The following RPS6KC1 variants were observed in gnomAD, a reference collection of about 807,000 sequenced individuals.
The protein encoded by RPS6KC1 is inactive ribosomal protein S6 kinase delta-1.
A neutral mutation model predicts 103.8 loss-of-function variants in RPS6KC1; 54 were observed. The observed-to-expected ratio is 0.52, with a 90% CI of 0.42 to 0.65. The LOEUF (loss-of-function observed/expected upper bound fraction) is 0.65. Among genes scored for constraint, RPS6KC1 ranks in the 30% least tolerant of loss-of-function variants. The probability of loss-of-function intolerance (pLI) is 0.00; values close to 1 mark genes in which losing one functional copy is unlikely to be tolerated. For missense variants in RPS6KC1, 1,151 were observed against 1,253.8 expected (o/e 0.92, Z 1.24); for synonymous variants, 439 against 438.7 (o/e 1.00, Z -0.01).
the RPS6KC1 span, among the ~76,000 whole-genome samples, chr1:213,616,973 C>A: frequency 6.6e-6 from 1 of 152,152 alleles, no homozygotes; most frequent in South Asian, 2.1e-4. Flanking sequence ...CCTCTGTGGA[C>A]CTCAGTGTCC....
intron 3 of RPS6KC1, among the ~76,000 whole-genome samples, chr1:213,097,182 C>T (rs879732851): frequency 2.6e-5 from 4 of 152,062 alleles, no homozygotes; most frequent in African/African-American, 4.8e-5. Context: ...GGTGAAACCC[C>T]GTCTCTACTA....
At chr1:213,294,823 C>A in the RPS6KC1 span, among the ~76,000 whole-genome samples, 3 of 152,156 alleles carry the variant, frequency 2.0e-5, no homozygotes, top group African/African-American at 4.8e-5. Context: ...AAATAAGATT[C>A]TTCTTTTTTC....
At chr1:213,430,221 A>G in the RPS6KC1 span, among the ~76,000 whole-genome samples, 1 of 152,204 alleles carries the variant, frequency 6.6e-6, no homozygotes. Flanking sequence ...TCTCGAGTCT[A>G]TCATGATTCT....
chr1:213,269,299 T>C (rs1287395051), intron 14 of RPS6KC1, among the ~76,000 whole-genome samples: 10 of 152,182 alleles, frequency 6.6e-5, no homozygotes, highest in Admixed American at 6.5e-4. Flanking sequence ...CCTCAAAATA[T>C]AGGAAACAAA....
chr1:213,834,883 C>T, the RPS6KC1 span, among the ~76,000 whole-genome samples: 1 of 152,108 alleles, frequency 6.6e-6, no homozygotes, highest in Non-Finnish European at 1.5e-5. Flanking sequence ...TTAGTGCTTA[C>T]GTAGGGCTGG....
At chr1:213,072,335 C>T (rs2078963008) in intron 2 of RPS6KC1, among the ~76,000 whole-genome samples, 1 of 152,088 alleles carries the variant, frequency 6.6e-6, no homozygotes, top group Non-Finnish European at 1.5e-5. Context: ...TCATTTCTGG[C>T]TATGTCTGAT....
intron 6 of RPS6KC1, among the ~76,000 whole-genome samples, chr1:213,137,286 A>G (rs893668894): frequency 6.7e-6 from 1 of 149,656 alleles, no homozygotes; most frequent in Non-Finnish European, 1.5e-5. Context: ...TATTTTCTTC[A>G]CTTTCGAGCC....
chr1:213,754,598 A>C, the RPS6KC1 span, among the ~76,000 whole-genome samples: 1 of 152,194 alleles, frequency 6.6e-6, no homozygotes, highest in South Asian at 2.1e-4. Flanking sequence ...CTGCCACGTA[A>C]GAAGGCTATT....
At chr1:213,213,318 T>G (rs2093566526) in intron 8 of RPS6KC1, among the ~76,000 whole-genome samples, 1 of 152,252 alleles carries the variant, frequency 6.6e-6, no homozygotes, top group Admixed American at 6.5e-5. Flanking sequence ...AAGGGCTCTT[T>G]GCTCCATTGT....
At chr1:213,386,416 G>A in the RPS6KC1 span, among the ~76,000 whole-genome samples, 4,904 of 152,258 alleles carry the variant, frequency 0.032, 131 homozygotes, top group Non-Finnish European at 0.036. Context: ...GGTTGTTACC[G>A]TACCTCCCTC....
At chr1:213,103,029 C>T (rs192018760) in intron 3 of RPS6KC1, among the ~76,000 whole-genome samples, 21 of 151,994 alleles carry the variant, frequency 1.4e-4, no homozygotes, top group African/African-American at 4.6e-4. Context: ...CAGCGTAGTG[C>T]GACCCTCTCT....
chr1:213,200,012 C>A (rs911983540), intron 8 of RPS6KC1, among the ~76,000 whole-genome samples: 2 of 152,166 alleles, frequency 1.3e-5, no homozygotes, highest in African/African-American at 4.8e-5. Flanking sequence ...GGAAAACATT[C>A]CATGCTCATG....
the RPS6KC1 span, among the ~76,000 whole-genome samples, chr1:213,828,011 C>G: frequency 1.3e-5 from 2 of 152,130 alleles, no homozygotes; most frequent in Admixed American, 6.6e-5. Flanking sequence ...CTCTCTCTAC[C>G]TGCTGTTTCT....
chr1:213,464,708 G>A, the RPS6KC1 span, among the ~76,000 whole-genome samples: 1 of 151,090 alleles, frequency 6.6e-6, no homozygotes. Context: ...ATTCATTTAG[G>A]GTGCATGCCA....
At chr1:213,216,013 A>C (rs963432151) in intron 8 of RPS6KC1, among the ~76,000 whole-genome samples, 3 of 152,226 alleles carry the variant, frequency 2.0e-5, no homozygotes, top group Non-Finnish European at 2.9e-5. Flanking sequence ...GACAGGATCA[A>C]ATTCACACAT....
chr1:213,788,208 G>A, the RPS6KC1 span, among the ~76,000 whole-genome samples: 29 of 152,126 alleles, frequency 1.9e-4, no homozygotes, highest in African/African-American at 7.0e-4. Context: ...CCACTAAACA[G>A]CTCACTCCAT....
the RPS6KC1 span, among the ~76,000 whole-genome samples, chr1:213,332,716 G>C: frequency 6.6e-6 from 1 of 152,136 alleles, no homozygotes; most frequent in Non-Finnish European, 1.5e-5. Flanking sequence ...TCTCTGCCCT[G>C]ACCACAGATC....
the RPS6KC1 span, among the ~76,000 whole-genome samples, chr1:213,335,422 A>G: frequency 6.6e-6 from 1 of 152,226 alleles, no homozygotes; most frequent in Admixed American, 6.5e-5. Context: ...GTCAACTTCT[A>G]TTTTATTGCT....
intron 8 of RPS6KC1, among the ~76,000 whole-genome samples, chr1:213,226,095 C>T (rs534653387): frequency 5.9e-4 from 90 of 152,016 alleles, no homozygotes; most frequent in South Asian, 2.9e-3. Context: ...TGGTGGCGGG[C>T]GCCTGTAGTC....
Sources: gnomAD v4.1 joint callset for allele counts (sites outside exome capture counted in the v4.1 genomes callset) on GRCh38, gnomAD v4.1.1 for gene constraint, MANE v1.5 for transcripts, NCBI Gene and HGNC (gene_info 2026-07-23, HGNC 2026-07-21) for gene names.